The following CCDC149 variants were observed in gnomAD, a reference collection of about 807,000 sequenced individuals.
CCDC149 encodes coiled-coil domain-containing protein 149.
Under a neutral mutation model 59.9 loss-of-function variants are expected in CCDC149, and 45 were observed. That is an observed-to-expected ratio of 0.75 (90% CI 0.59 to 0.96). The LOEUF is 0.96. Among genes scored for constraint, CCDC149 ranks in the 40% least tolerant of loss-of-function variants. CCDC149 has a pLI of 0.00. For missense variants in CCDC149, 584 were observed against 664.7 expected (o/e 0.88, Z 1.33); for synonymous variants, 245 against 260.6 (o/e 0.94, Z 0.58).
chr4:24,947,828 T>A (rs1723161804), intron 1 of CCDC149, among the ~76,000 whole-genome samples: 2 of 152,114 alleles, frequency 1.3e-5, no homozygotes, highest in South Asian at 4.1e-4. Flanking sequence ...AGGAGGATTT[T>A]TTTTTTTATT....
At chr4:24,977,215 C>A (rs1269008371) in intron 1 of CCDC149, among the ~76,000 whole-genome samples, 1 of 152,120 alleles carries the variant, frequency 6.6e-6, no homozygotes, top group Non-Finnish European at 1.5e-5. Flanking sequence ...TCAATGAGCT[C>A]CTTCCCCAGG....
At chr4:24,880,481 A>C (rs1719773408) in intron 1 of CCDC149, among the ~76,000 whole-genome samples, 1 of 152,258 alleles carries the variant, frequency 6.6e-6, no homozygotes, top group Non-Finnish European at 1.5e-5. Flanking sequence ...AGTGGGGAGA[A>C]GGGAGTGTTG....
rs574665004 is a variant in CCDC149 at position 24,923,843 on chromosome 4, G to A, written c.-64-28725C>T. ...AATATACAGTGGCTTGACTAAGAAA[G>A]AATTTGATTTCTCCTTCACAAGACA... On this transcript the variant is annotated intron_variant, in intron 1 of 12. Transcript: ENST00000389609. Among the ~76,000 whole-genome samples the A allele has an allele frequency of 2.3e-4, 35 of 152,318 alleles. No homozygotes were observed. In the South Asian group the frequency reaches 7.3e-3, roughly 32 times the overall value.
At chr4:24,898,490 C>T (rs9993370) in intron 1 of CCDC149, among the ~76,000 whole-genome samples, 79,564 of 151,960 alleles carry the variant, frequency 0.52, 21,109 homozygotes, top group East Asian at 0.58. Context: ...CTCTTAGGGC[C>T]ATGACTGGTC....
chr4:24,925,157 G>A (rs1722402369), intron 1 of CCDC149, among the ~76,000 whole-genome samples: 1 of 152,184 alleles, frequency 6.6e-6, no homozygotes, highest in Non-Finnish European at 1.5e-5. Flanking sequence ...TGCCACAGTA[G>A]AACAGGCATT....
At chr4:24,943,650 T>A (rs1279729584) in intron 1 of CCDC149, among the ~76,000 whole-genome samples, 8 of 151,750 alleles carry the variant, frequency 5.3e-5, no homozygotes, top group African/African-American at 1.9e-4. Context: ...TGGGAGAAAA[T>A]TTTTGCAATC....
At chr4:24,974,111 A>G (rs556374607) in intron 1 of CCDC149, among the ~76,000 whole-genome samples, 98 of 152,354 alleles carry the variant, frequency 6.4e-4, no homozygotes, top group African/African-American at 2.2e-3. Context: ...TGTGCGGCCC[A>G]CTGTCTAACT....
intron 1 of CCDC149, among the ~76,000 whole-genome samples, chr4:24,978,675 C>A (rs1007484374): frequency 6.6e-6 from 1 of 152,202 alleles, no homozygotes; most frequent in African/African-American, 2.4e-5. Context: ...TCTTCCCTTT[C>A]CCCATCATTC....
intron 1 of CCDC149, among the ~76,000 whole-genome samples, chr4:24,957,656 T>A (rs1469761896): frequency 2.1e-5 from 3 of 145,712 alleles, no homozygotes; most frequent in East Asian, 4.1e-4. Flanking sequence ...TCCAGGCCAA[T>A]GCCTATTTTT....
intron 3 of CCDC149, among the ~76,000 whole-genome samples, chr4:24,866,789 C>CAAAAA (rs11382183): frequency 7.7e-6 from 1 of 129,744 alleles, no homozygotes; most frequent in African/African-American, 3.0e-5. Flanking sequence ...ACCCAAAAAG[C>CAAAAA]AAAAAAAAAA....
At chr4:24,817,520 TTGGCTCATCTG>T (rs2109099735) in intron 12 of CCDC149, among the ~76,000 whole-genome samples, 1 of 152,196 alleles carries the variant, frequency 6.6e-6, no homozygotes, top group South Asian at 2.1e-4. Flanking sequence ...CTCAAACCTG[TTGGCTCATCTG>T]GGTCTTCTTA....
intron 1 of CCDC149, among the ~76,000 whole-genome samples, chr4:24,949,129 C>A (rs1723202552): frequency 6.6e-6 from 1 of 152,208 alleles, no homozygotes; most frequent in Non-Finnish European, 1.5e-5. Context: ...TGTTGTTAGC[C>A]TCCAGGGCTT....
chr4:24,974,089 G>A (rs1021398482), intron 1 of CCDC149, among the ~76,000 whole-genome samples: 1 of 152,256 alleles, frequency 6.6e-6, no homozygotes, highest in East Asian at 1.9e-4. Context: ...ATCCTGCAAA[G>A]GAGAGCGCCT....
At chr4:24,816,430 G>C (rs1023526343) in intron 12 of CCDC149, among the ~76,000 whole-genome samples, 5 of 151,822 alleles carry the variant, frequency 3.3e-5, no homozygotes, top group Admixed American at 2.6e-4. Flanking sequence ...TTATACTCAA[G>C]TCATTATCAG....
chr4:24,881,181 C>A (rs1264940345), intron 1 of CCDC149, among the ~76,000 whole-genome samples: 1 of 152,208 alleles, frequency 6.6e-6, no homozygotes, highest in Admixed American at 6.5e-5. Flanking sequence ...AGCAATTTAT[C>A]ATAGAGTGAG....
At chr4:24,916,699 A>T (rs1372830195), upstream of CCDC149, among the ~76,000 whole-genome samples, 1 of 151,146 alleles carries the variant, frequency 6.6e-6, no homozygotes, top group Non-Finnish European at 1.5e-5. Context: ...ATTCATGGCC[A>T]TTTTTTTTCC....
At chr4:24,896,038 G>C (rs1236215443) in intron 1 of CCDC149, among the ~76,000 whole-genome samples, 1 of 152,210 alleles carries the variant, frequency 6.6e-6, no homozygotes, top group African/African-American at 2.4e-5. Flanking sequence ...GAGCATGCAG[G>C]GCGCCTGAAT....
intron 1 of CCDC149, among the ~76,000 whole-genome samples, chr4:24,877,598 T>G (rs886666453): frequency 6.6e-6 from 1 of 152,256 alleles, no homozygotes; most frequent in African/African-American, 2.4e-5. Flanking sequence ...ATTTTCTCAC[T>G]TGCAAATTCA....
At chr4:24,962,810 C>A (rs529502123) in intron 1 of CCDC149, among the ~76,000 whole-genome samples, 1 of 151,702 alleles carries the variant, frequency 6.6e-6, no homozygotes, top group African/African-American at 2.4e-5. Flanking sequence ...GTGCAGCACA[C>A]CAACATGGCA....
Sources: allele counts gnomAD v4.1 joint callset (sites outside exome capture counted in the v4.1 genomes callset), GRCh38; gene constraint gnomAD v4.1.1; transcripts MANE v1.5; gene names NCBI Gene and HGNC (gene_info 2026-07-23, HGNC 2026-07-21).